PIK3C2B: variants seen among roughly 807,000 people sequenced by gnomAD.
PIK3C2B encodes the protein phosphatidylinositol 4-phosphate 3-kinase C2 domain-containing subunit beta.
PIK3C2B carries 83 observed loss-of-function variants against 184.3 expected under a neutral mutation model. The observed-to-expected ratio is 0.45, with a 90% CI of 0.38 to 0.54. The LOEUF is 0.54. PIK3C2B is among the 20% of genes least tolerant of loss of function. The pLI is 0.00. For missense variants in PIK3C2B, 1,736 were observed against 2,113.5 expected, an observed-to-expected ratio of 0.82 and a Z score of 3.50; for synonymous variants, 779 against 837.6, an observed-to-expected ratio of 0.93 and a Z score of 1.21.
In PIK3C2B at chr1:204,464,501, C is replaced by A. The variant is rs776486377; in HGVS notation, c.1138G>T (p.Val380Leu). 6.2e-7 allele frequency: 1 copy of A among 1,614,160 alleles called. No homozygotes were observed. The highest frequency in any genetic ancestry group is 1.7e-5 in the Admixed American group (1 of 60,026). ...TGAAGCCTGTCACACAACACAGTCA[C>A]CTTCAGGTTGACCTCATCCCCGAGG... ...EHLGDEVNLK[V>L]TVLCDRLQEA... Residue 380 changes from valine to leucine, a missense_variant, in exon 4 of 33, where the codon GTG (valine) becomes TTG (leucine). Around this residue, in one of 8 missense-constraint regions of PIK3C2B, gnomAD observed 609 missense variants for 699.2 expected, o/e 0.87. Transcript: ENST00000684373.
At chr1:204,445,658 G>A (rs1250371712) in intron 16 of PIK3C2B, among the ~76,000 whole-genome samples, 1 of 150,550 alleles carries the variant, frequency 6.6e-6, no homozygotes, top group Non-Finnish European at 1.5e-5. Flanking sequence ...ATACAGTGAT[G>A]GATAAATGAA....
Position 204,464,527 on chromosome 1 carries a change from T to C in PIK3C2B, c.1112A>G (p.His371Arg), listed in dbSNP as rs892382795. ...VWSAVTPSPE[H>R]LGDEVNLKVT... The stretch of plus-strand genomic sequence containing the variant: ...CTTCAGGTTGACCTCATCCCCGAGG[T>C]GCTCTGGGCTAGGGGTGACAGCACT... The change falls in exon 4 of 33, where the codon CAC becomes CGC. Residue 371 changes from histidine to arginine, a missense_variant. Transcript: ENST00000684373. 1 of 1,613,452 alleles carries C rather than the reference T, an allele frequency of 6.2e-7. No individual in the cohort carries two copies. The highest frequency in any genetic ancestry group is 1.1e-5 in the South Asian group (1 of 91,064).
intron 1 of PIK3C2B, among the ~76,000 whole-genome samples, chr1:204,490,786 G>T (rs546604737): frequency 1.3e-5 from 2 of 149,232 alleles, no homozygotes; most frequent in African/African-American, 4.9e-5. Context: ...AAAAAGGCAA[G>T]AATAGTCCCT....
chr1:204,445,964 C>T lies in PIK3C2B; in HGVS notation c.2670G>A (p.Leu890=). 1 of 1,527,174 alleles carries T rather than the reference C, an allele frequency of 6.5e-7. No individual in the cohort carries two copies. Among genetic ancestry groups the T allele is most frequent in the Non-Finnish European group, 8.9e-7 (1 of 1,129,098 alleles). The allele number at this position is 1,527,174 out of a possible 1,614,324, so 94.6% of individuals were successfully genotyped here. Residue 890 remains leucine (L), a synonymous_variant, in exon 16 of 33, where the codon CTG becomes CTA. Transcript: ENST00000684373. The stretch of plus-strand genomic sequence containing the variant: ...CAGATGTTACAACTCACGTGGCATG[C>T]AGGAGCCCCAGGGCATCCTGGTGGT... ...HMNHQDALGL[L]HATFPDQEVR...
At chr1:204,444,216 C>A in intron 17 of PIK3C2B, 54 bp from the exon 18 acceptor site, 1 of 1,437,072 alleles carries the variant, frequency 7.0e-7, no homozygotes, top group Non-Finnish European at 9.8e-7. Flanking sequence ...CTGCCTGTAA[C>A]CTACACTTAT....
At chr1:204,474,630 T>C (rs1656575852) in intron 1 of PIK3C2B, among the ~76,000 whole-genome samples, 1 of 152,152 alleles carries the variant, frequency 6.6e-6, no homozygotes, top group Non-Finnish European at 1.5e-5. Context: ...TGTCCACCCC[T>C]GAAATGTTGG....
chr1:204,442,156 A>C (rs776536085), intron 20 of PIK3C2B, among the ~76,000 whole-genome samples: 61 of 152,200 alleles, frequency 4.0e-4, no homozygotes, highest in Non-Finnish European at 3.2e-4. Flanking sequence ...AAGAGGCCAC[A>C]GATATGCCTT....
At chr1:204,455,791 G>A (rs1378285562) in intron 11 of PIK3C2B, 65 bp downstream of exon 11, 1 of 1,282,970 alleles carries the variant, frequency 7.8e-7, no homozygotes, top group African/African-American at 1.5e-5. Context: ...CATGCAGATA[G>A]GAAAAAGCCC....
intron 1 of PIK3C2B, among the ~76,000 whole-genome samples, chr1:204,482,667 C>T (rs886302871): frequency 6.6e-6 from 1 of 152,018 alleles, no homozygotes; most frequent in African/African-American, 2.4e-5. Flanking sequence ...GCCTGTAACA[C>T]CAGCTACTTG....
chr1:204,457,798 G>T lies in PIK3C2B; in HGVS notation c.1643C>A (p.Thr548Asn). The T allele has an allele frequency of 1.9e-6, 3 of 1,613,150 alleles. No homozygotes were observed. Among genetic ancestry groups the T allele is most frequent in the Non-Finnish European group, 2.5e-6 (3 of 1,179,598 alleles). ...AICNALAAVE[T>N]PEITSALNQL... ...GTTGAGAGCACTGGTGATCTCAGGG[G>T]TTTCCACGGCGGCCAGGGCGTTGCA... The change falls in exon 9 of 33, where the codon ACC becomes AAC. Residue 548 changes from threonine (T) to asparagine (N), a missense_variant. Thr to Asn is a moderately conservative substitution (Grantham distance 65). Around this residue, in one of 8 missense-constraint regions of PIK3C2B, gnomAD observed 609 missense variants for 699.2 expected, o/e 0.87. Coordinates refer to ENST00000684373, the MANE Select transcript of PIK3C2B (RefSeq NM_001377334.1).
chr1:204,468,824 A>T (rs759156243), intron 2 of PIK3C2B, 46 bp downstream of exon 2: 1 of 1,479,660 alleles, frequency 6.8e-7, no homozygotes, highest in Non-Finnish European at 9.2e-7. Context: ...CTGTTTCTGA[A>T]GGACATGGAG....
chr1:204,449,040 C>T (rs537309599), intron 14 of PIK3C2B, 145 bp downstream of exon 14: 4 of 646,936 alleles, frequency 6.2e-6, no homozygotes, highest in Admixed American at 2.3e-5. Flanking sequence ...ACCATATTCC[C>T]TCAGTTGCTT....
At chr1:204,446,315 C>A (rs764595097) in intron 15 of PIK3C2B, among the ~76,000 whole-genome samples, 171 bp from the exon 16 acceptor site, 8 of 152,136 alleles carry the variant, frequency 5.3e-5, no homozygotes, top group Non-Finnish European at 1.0e-4. Context: ...CTGAGTGAAC[C>A]CCCTCGCCAT....
At chr1:204,454,479 CTCAAAAAAAAAAAAAAAAAAAGAGT>C (rs1654650482) in intron 12 of PIK3C2B, 165 bp downstream of exon 12, 1 of 502,820 alleles carries the variant, frequency 2.0e-6, no homozygotes, top group Non-Finnish European at 3.3e-6. Context: ...GAGGCTGCCT[CTCAAAAAAAAAAAAAAAAAAAGAGT>C]CAGGGAAGTG....
intron 1 of PIK3C2B, among the ~76,000 whole-genome samples, chr1:204,488,795 T>G (rs1201033825): frequency 1.3e-5 from 2 of 152,192 alleles, no homozygotes; most frequent in Non-Finnish European, 1.5e-5. Flanking sequence ...GCCCCACTGA[T>G]GAGTTCACAA....
At chr1:204,438,098 C>A (rs1181865695) in intron 23 of PIK3C2B, among the ~76,000 whole-genome samples, 1 of 152,204 alleles carries the variant, frequency 6.6e-6, no homozygotes, top group Non-Finnish European at 1.5e-5. Context: ...TCTGATTATA[C>A]CTTGGCTGCC....
intron 1 of PIK3C2B, among the ~76,000 whole-genome samples, chr1:204,485,836 G>A (rs1657542356): frequency 6.6e-6 from 1 of 152,090 alleles, no homozygotes; most frequent in Non-Finnish European, 1.5e-5. Flanking sequence ...CTCCCAAAGT[G>A]CTAGGATTAC....
chr1:204,465,314 G>A lies in PIK3C2B; in HGVS notation c.939C>T (p.Gly313=). ...KNRRISAAPV[G]SRPHTVANGH... ...CATTGGCAACAGTGTGGGGCCGGGA[G>A]CCCACCTTTAAGAGAAGAGCAGACG... The change falls in exon 3 of 33, where the codon GGC becomes GGT. Residue 313 remains glycine, a synonymous_variant. Coordinates refer to ENST00000684373, the MANE Select transcript of PIK3C2B (RefSeq NM_001377334.1). 6.2e-7 allele frequency: 1 copy of A among 1,609,190 alleles called. No individual in the cohort carries two copies. Among genetic ancestry groups the A allele is most frequent in the Non-Finnish European group, 8.5e-7 (1 of 1,175,520 alleles).
chr1:204,457,520 G>A (rs1654972743), intron 9 of PIK3C2B, among the ~76,000 whole-genome samples: 1 of 152,216 alleles, frequency 6.6e-6, no homozygotes, highest in African/African-American at 2.4e-5. Flanking sequence ...GTCCCAGGTA[G>A]CTCTCCCTCA....
Sources: gnomAD v4.1 joint callset for allele counts (sites outside exome capture counted in the v4.1 genomes callset) on GRCh38, gnomAD v4.1.1 for gene constraint, gnomAD v4.1.1 regional missense constraint, MANE v1.5 for transcripts, NCBI Gene and HGNC (gene_info 2026-07-23, HGNC 2026-07-21) for gene names.